The following FBF1 variants were observed in gnomAD, a reference collection of about 807,000 sequenced individuals.
FBF1 encodes fas-binding factor 1.
A neutral mutation model predicts 147.2 loss-of-function variants in FBF1; 119 were observed. The ratio of observed to expected loss-of-function variants is 0.81; its 90% CI spans 0.70 to 0.94. FBF1 has a LOEUF of 0.94. Ranked by LOEUF, FBF1 falls within the 40% of genes least tolerant of loss-of-function variation. The pLI, the probability that FBF1 is intolerant of heterozygous loss-of-function variation, is 0.00. For missense variants in FBF1, 1,449 were observed against 1,500.8 expected (o/e 0.97, Z 0.57); for synonymous variants, 601 against 609.0 (o/e 0.99, Z 0.19).
rs918240164 is a variant in FBF1 at position 75,937,749 on chromosome 17, G to A, written c.4-156C>T. 11 of 811,386 alleles carry A rather than the reference G, an allele frequency of 1.4e-5. No individual in the cohort carries two copies. The Admixed American group carries it at 1.8e-4, about 14-fold the overall frequency. The allele number at this position is 811,386 out of a possible 1,614,324, so 50.3% of individuals were successfully genotyped here. A position where few individuals can be genotyped will look rare whatever the true frequency, so the allele number is the denominator to read the frequency against. ...TGTAAGTCCTTTATGTGTTCCTATAGTTTCTGAGAACGGACTCATTCAGAG... is the reference window on the plus strand; with the variant it reads ...TGTAAGTCCTTTATGTGTTCCTATAATTTCTGAGAACGGACTCATTCAGAG... On this transcript the variant is annotated intron_variant, in intron 2 of 29. Transcript: ENST00000636174.
At chr17:75,937,517 A>T (rs758169651) in intron 3 of FBF1, 49 bp downstream of exon 3, 4 of 1,605,822 alleles carry the variant, frequency 2.5e-6, no homozygotes, top group Non-Finnish European at 2.6e-6. Flanking sequence ...ACCAAAGGGG[A>T]AAAAGATATA....
At position 75,910,665 on chromosome 17, in the gene FBF1, A is replaced by T; in HGVS notation, c.*58T>A. ...GCACTGCCTCCATGGAGGCAGCCGG[A>T]GGAACAGGACAGTTCTGGGGTCCGA... is the stretch of plus-strand genomic sequence containing the variant. On this transcript the variant is annotated 3_prime_UTR_variant, in exon 30 of 30. Transcript: ENST00000636174. This position sits in a 1 kb window ranked among gnomAD's most constrained non-coding sequence, Gnocchi z 4.1. 6.7e-7 allele frequency: 1 copy of T among 1,483,970 alleles called. No individual in the cohort carries two copies. Among genetic ancestry groups the T allele is most frequent in the Non-Finnish European group, 9.2e-7 (1 of 1,083,392 alleles). The allele number at this position is 1,483,970 out of a possible 1,614,324, so 91.9% of individuals were successfully genotyped here.
intron 1 of FBF1, among the ~76,000 whole-genome samples, chr17:75,939,217 A>T (rs1441333536): frequency 6.8e-6 from 1 of 147,882 alleles, no homozygotes; most frequent in East Asian, 2.0e-4. Flanking sequence ...ACTAGGTTGA[A>T]CCTAGGAGGA....
chr17:75,921,147 T>C, intron 17 of FBF1, 97 bp downstream of exon 17: 1 of 1,275,904 alleles, frequency 7.8e-7, no homozygotes, highest in East Asian at 2.5e-5. Context: ...GACACATTTT[T>C]CCTGGCAGGT....
chr17:75,911,967 T>C (rs1409237167), intron 29 of FBF1, among the ~76,000 whole-genome samples: 1 of 152,238 alleles, frequency 6.6e-6, no homozygotes, highest in African/African-American at 2.4e-5. Flanking sequence ...TCATTATTGC[T>C]ATAGGTTATC....
In FBF1 at chr17:75,925,477, TG is replaced by T. The variant is rs1303956750; in HGVS notation, c.869-32del. Reference sequence around the variant, plus strand: ...AATTAAGGAGCCTGTGACCGTGATCTGGAGTAGGGGAACCAAGCTCATTTGC... The same window carrying T: ...AATTAAGGAGCCTGTGACCGTGATCTGAGTAGGGGAACCAAGCTCATTTGC... On this transcript the variant is annotated intron_variant, in intron 12 of 29. Transcript: ENST00000636174. The surrounding 1 kb of genome is among the most constrained non-coding windows in gnomAD (Gnocchi z 5.0). 6.3e-7 allele frequency: 1 copy of T among 1,576,098 alleles called. No homozygotes were observed. Among genetic ancestry groups the T allele is most frequent in the African/African-American group, 1.4e-5 (1 of 73,648 alleles).
In FBF1 at chr17:75,925,503, C is replaced by T. The variant is rs1016585213; in HGVS notation, c.869-57G>A. The stretch of plus-strand genomic sequence containing the variant: ...GGAGTAGGGGAACCAAGCTCATTTG[C>T]GGCTGCAAAATTCTAACAAAAGCTG... On this transcript the variant is annotated intron_variant, in intron 12 of 29. Coordinates refer to ENST00000636174, the MANE Select transcript of FBF1 (RefSeq NM_001319193.2). This position sits in a 1 kb window ranked among gnomAD's most constrained non-coding sequence, Gnocchi z 5.0. 3.1e-5 allele frequency: 45 copies of T among 1,472,980 alleles called. No individual in the cohort carries two copies. Among genetic ancestry groups the T allele is most frequent in the African/African-American group, 2.0e-4 (14 of 71,028 alleles). The allele number at this position is 1,472,980 out of a possible 1,614,324, so 91.2% of individuals were successfully genotyped here.
At chr17:75,912,540 C>T (rs2065462445) in intron 28 of FBF1, among the ~76,000 whole-genome samples, 1 of 152,164 alleles carries the variant, frequency 6.6e-6, no homozygotes, top group Non-Finnish European at 1.5e-5. Flanking sequence ...GGTACAAACA[C>T]ATATGTAGGA....
rs1035562019 is a variant in FBF1 at position 75,918,383 on chromosome 17, G to A, written c.2139-114C>T. 1.8e-5 allele frequency: 14 copies of A among 760,510 alleles called. No individual in the cohort carries two copies. The highest frequency in any genetic ancestry group is 2.8e-5 in the Admixed American group (1 of 35,920). The allele number at this position is 760,510 out of a possible 1,614,324, so 47.1% of individuals were successfully genotyped here. A position where few individuals can be genotyped will look rare whatever the true frequency, so the allele number is the denominator to read the frequency against. On this transcript the variant is annotated intron_variant, in intron 20 of 29. Coordinates refer to ENST00000636174, the MANE Select transcript of FBF1 (RefSeq NM_001319193.2). The surrounding 1 kb of genome is among the most constrained non-coding windows in gnomAD (Gnocchi z 5.8). ...GCCCTTGCTCCCAGGCCTCTCCTCCGCCGGGCACTGCCTCAGTTTCCCCAG... is the reference window on the plus strand; with the variant it reads ...GCCCTTGCTCCCAGGCCTCTCCTCCACCGGGCACTGCCTCAGTTTCCCCAG...
intron 4 of FBF1, among the ~76,000 whole-genome samples, chr17:75,934,965 A>G (rs529615626): frequency 6.6e-6 from 1 of 151,784 alleles, no homozygotes; most frequent in South Asian, 2.1e-4. Context: ...AGAGACAGAG[A>G]GTAAATAATA....
intron 11 of FBF1, 42 bp downstream of exon 11, chr17:75,926,246 C>T (rs1246412056): frequency 6.2e-7 from 1 of 1,609,830 alleles, no homozygotes; most frequent in African/African-American, 1.3e-5. Context: ...CAGCTTTTCC[C>T]TGAACCTGAG....
intron 3 of FBF1, among the ~76,000 whole-genome samples, chr17:75,936,239 G>A (rs1335008312): frequency 7.3e-5 from 11 of 149,716 alleles, no homozygotes; most frequent in Admixed American, 4.0e-4. Context: ...ACTTGAACCC[G>A]GGTGGCAGAG....
At chr17:75,920,909 G>A (rs544425502) in intron 17 of FBF1, among the ~76,000 whole-genome samples, 2 of 152,120 alleles carry the variant, frequency 1.3e-5, no homozygotes, top group South Asian at 4.1e-4. Flanking sequence ...CAGAGGTGTG[G>A]TGGGAGGATG....
chr17:75,910,533 C>T lies in FBF1; in HGVS notation c.*190G>A. ...GTAAGATAGCCTACACCACAGAGCC[C>T]CAGAGGCAGGGGCTGCCCCGGGCTG... On this transcript the variant is annotated 3_prime_UTR_variant, in exon 30 of 30. Transcript: ENST00000636174. This position sits in a 1 kb window ranked among gnomAD's most constrained non-coding sequence, Gnocchi z 4.1. 1.7e-6 allele frequency: 1 copy of T among 587,184 alleles called. No individual in the cohort carries two copies. Among genetic ancestry groups the T allele is most frequent in the South Asian group, 2.0e-5 (1 of 49,666 alleles). 36.4% of individuals were successfully genotyped at this position (587,184 alleles called of 1,614,324 possible).
rs1181626747 is a variant in FBF1, at chr17:75,933,051, A to ATGTGAAGC, written c.103_110dup (p.His37GlnfsTer59). The ATGTGAAGC allele has an allele frequency of 6.2e-7, 1 of 1,608,060 alleles. No homozygotes were observed. Among genetic ancestry groups the ATGTGAAGC allele is most frequent in the Non-Finnish European group, 8.5e-7 (1 of 1,175,156 alleles). On this transcript the variant is annotated frameshift_variant, in exon 5 of 30. Coordinates refer to ENST00000636174, the MANE Select transcript of FBF1 (RefSeq NM_001319193.2). LOFTEE classifies it high-confidence loss of function. ...GAGATACACCTGTGGTGTCTCTGGT[A>ATGTGAAGC]TGTGAAGCTAGTTTAACAGGCTTCT...
Position 75,913,985 on chromosome 17 carries a change from C to A in FBF1, c.3057G>T (p.Glu1019Asp). The A allele has an allele frequency of 6.4e-7, 1 of 1,568,102 alleles. No homozygotes were observed. The change falls in exon 27 of 30, where the codon GAG (glutamate) becomes GAT (aspartate). Residue 1019 changes from glutamate to aspartate, a missense_variant. Transcript: ENST00000636174. ...GCACCGCCTGCAACCGGGCCTGCTG[C>A]TCTGCCTGCACCTGCTGGGCCTCGC... ...ALREAQQVQA[E>D]QQARLQAVQQ...
chr17:75,913,392 C>T (rs1197677840), intron 28 of FBF1: 3 of 239,050 alleles, frequency 1.3e-5, no homozygotes, highest in Non-Finnish European at 2.4e-5. Flanking sequence ...AGATGATCCG[C>T]CTGCCTCGGC....
chr17:75,926,629 C>T, intron 10 of FBF1, 129 bp downstream of exon 10: 1 of 1,413,042 alleles, frequency 7.1e-7, no homozygotes, highest in Non-Finnish European at 9.5e-7. Context: ...CTGATGATCT[C>T]TTTGTACTGG....
rs2065505681 is a variant in FBF1, at chr17:75,918,819, T to TTTC, written c.2139-551_2139-550insGAA. The stretch of plus-strand genomic sequence containing the variant: ...AAGCAGTCTTTCTTTTTTTTTTTTT[T>TTTC]TTTCCTAGAGATGAGGTCTCACTAT... On this transcript the variant is annotated intron_variant, in intron 20 of 29. Coordinates refer to ENST00000636174, the MANE Select transcript of FBF1 (RefSeq NM_001319193.2). This position sits in a 1 kb window ranked among gnomAD's most constrained non-coding sequence, Gnocchi z 5.8. 6.7e-6 allele frequency among the ~76,000 whole-genome samples: 1 copy of TTTC among 149,930 alleles called. No homozygotes were observed. Among genetic ancestry groups the TTTC allele is most frequent in the Admixed American group, 6.6e-5 (1 of 15,056 alleles).
Sources: gnomAD v4.1 joint callset for allele counts (sites outside exome capture counted in the v4.1 genomes callset) on GRCh38, gnomAD v4.1.1 for gene constraint, Gnocchi (gnomAD v3.1) non-coding constraint, MANE v1.5 for transcripts, NCBI Gene and HGNC (gene_info 2026-07-23, HGNC 2026-07-21) for gene names.